CNTN4: variants seen among roughly 807,000 people sequenced by gnomAD.
CNTN4 encodes contactin 4.
In CNTN4, 77 loss-of-function variants were observed where a neutral mutation model predicts 122.5. The observed-to-expected ratio is 0.63, with a 90% CI of 0.52 to 0.76. The LOEUF (loss-of-function observed/expected upper bound fraction) is 0.76. Among genes scored for constraint, CNTN4 ranks in the 30% least tolerant of loss-of-function variants. The pLI is 0.00. For synonymous variants in CNTN4, 512 were observed against 447.0 expected (o/e 1.15, Z -1.83); for missense variants, 1,256 against 1,259.1 (o/e 1.00, Z 0.04).
chr3:2,324,346 TCA>T (rs2043378050), intron 2 of CNTN4, among the ~76,000 whole-genome samples: 1 of 152,142 alleles, frequency 6.6e-6, no homozygotes, highest in South Asian at 2.1e-4. Flanking sequence ...ACACGCACAC[TCA>T]CACTCATACT....
intron 2 of CNTN4, among the ~76,000 whole-genome samples, chr3:2,254,583 C>G (rs1177866778): frequency 6.6e-6 from 1 of 152,190 alleles, no homozygotes; most frequent in African/African-American, 2.4e-5. Context: ...GATCTCCAAT[C>G]TAACTGGCGT....
rs114165061 is a variant in CNTN4, at chr3:2,613,161, T to A, written c.55+41603T>A. On this transcript the variant is annotated intron_variant, in intron 4 of 24. Transcript: ENST00000418658. ...TTAGTTTTACTTAAGATAGCTTCCG[T>A]AGTTCTAAGCACACGTGGAGACTCC... 4.9e-3 allele frequency among the ~76,000 whole-genome samples: 706 copies of A among 145,186 alleles called. 5 individuals carry two copies. The highest frequency in any genetic ancestry group is 0.018 in the African/African-American group (687 of 38,058).
chr3:2,411,249 A>G (rs939765764), intron 3 of CNTN4, among the ~76,000 whole-genome samples: 1 of 152,168 alleles, frequency 6.6e-6, no homozygotes, highest in Non-Finnish European at 1.5e-5. Context: ...TGATGGATTG[A>G]TAGGTGCAGC....
Position 2,707,270 on chromosome 3 carries a change from C to A in CNTN4, c.56-28945C>A, listed in dbSNP as rs148203279. On this transcript the variant is annotated intron_variant, in intron 4 of 24. Transcript: ENST00000418658. ...GCAGTGAGCCGAGATCACGCCACTG[C>A]ACTCCAGCCTGGATGACAGAGCAAG... 6.4e-3 allele frequency among the ~76,000 whole-genome samples: 978 copies of A among 151,752 alleles called. 18 individuals carry two copies. Among genetic ancestry groups the A allele is most frequent in the African/African-American group, 0.022 (927 of 41,364 alleles).
intron 2 of CNTN4, among the ~76,000 whole-genome samples, chr3:2,193,832 G>T (rs2037705470): frequency 6.6e-6 from 1 of 152,150 alleles, no homozygotes; most frequent in African/African-American, 2.4e-5. Flanking sequence ...GTTGCCCACA[G>T]TATTTGGGAC....
intron 4 of CNTN4, among the ~76,000 whole-genome samples, chr3:2,642,547 C>A (rs889959344): frequency 1.3e-5 from 2 of 152,120 alleles, no homozygotes; most frequent in Admixed American, 1.3e-4. Context: ...CATTGCCTGC[C>A]TGCCTGACCA....
At chr3:2,676,046 A>G (rs1490199174) in intron 4 of CNTN4, among the ~76,000 whole-genome samples, 1 of 152,222 alleles carries the variant, frequency 6.6e-6, no homozygotes, top group Non-Finnish European at 1.5e-5. Context: ...GATTGTATAA[A>G]TCTTTCACCT....
intron 2 of CNTN4, among the ~76,000 whole-genome samples, chr3:2,250,341 C>T (rs547562015): frequency 6.3e-4 from 95 of 151,920 alleles, no homozygotes; most frequent in African/African-American, 1.3e-3. Context: ...TGTTGTTTCT[C>T]CTACGAAGAG....
chr3:2,444,398 A>G (rs1213188456), intron 3 of CNTN4, among the ~76,000 whole-genome samples: 1 of 152,142 alleles, frequency 6.6e-6, no homozygotes, highest in East Asian at 1.9e-4. Flanking sequence ...AACTAAATAC[A>G]AGGAGATGCT....
chr3:2,811,226 G>A (rs1259692141), intron 6 of CNTN4, among the ~76,000 whole-genome samples: 1 of 151,284 alleles, frequency 6.6e-6, no homozygotes, highest in Non-Finnish European at 1.5e-5. Flanking sequence ...CCTGGCCAAT[G>A]TGGGAAACCT....
chr3:2,618,060 T>C (rs928984446), intron 4 of CNTN4, among the ~76,000 whole-genome samples: 1 of 152,094 alleles, frequency 6.6e-6, no homozygotes, highest in Non-Finnish European at 1.5e-5. Context: ...ATCCACACAC[T>C]TAGGACAGTG....
intron 4 of CNTN4, among the ~76,000 whole-genome samples, chr3:2,646,461 C>T (rs184435874): frequency 1.6e-4 from 24 of 152,264 alleles, no homozygotes; most frequent in Admixed American, 1.2e-3. Context: ...CTCGTATAAT[C>T]GTGGTCAGAA....
At chr3:2,920,319 A>T (rs529780032) in intron 12 of CNTN4, among the ~76,000 whole-genome samples, 5 of 150,850 alleles carry the variant, frequency 3.3e-5, no homozygotes, top group African/African-American at 1.2e-4. Flanking sequence ...AGGAGGCTGG[A>T]TATGACTGTG....
In CNTN4 at chr3:2,103,490, T is replaced by C. The variant is rs187152857; in HGVS notation, c.-145+2851T>C. On this transcript the variant is annotated intron_variant, in intron 2 of 24. Coordinates refer to ENST00000418658, the MANE Select transcript of CNTN4 (RefSeq NM_175607.3). ...TCTGTGCCTTGAATTATAACCTTCC[T>C]CTGAAGATTCTATTGTGGGAGTCTT... Among the ~76,000 whole-genome samples the C allele has an allele frequency of 1.7e-3, 262 of 152,298 alleles. 1 individual carries two copies. The highest frequency in any genetic ancestry group is 5.9e-3 in the African/African-American group (244 of 41,568).
At chr3:2,924,758 C>G (rs2094457628) in intron 12 of CNTN4, among the ~76,000 whole-genome samples, 1 of 152,110 alleles carries the variant, frequency 6.6e-6, no homozygotes, top group Non-Finnish European at 1.5e-5. Flanking sequence ...CCTAAATGAG[C>G]CAAGCATTGC....
chr3:2,684,578 G>C (rs1257871374), intron 4 of CNTN4, among the ~76,000 whole-genome samples: 1 of 151,970 alleles, frequency 6.6e-6, no homozygotes, highest in East Asian at 1.9e-4. Flanking sequence ...TAAATCCTGG[G>C]GCTAATAACA....
At chr3:2,524,859 G>GA (rs2077345726) in intron 3 of CNTN4, among the ~76,000 whole-genome samples, 1 of 151,856 alleles carries the variant, frequency 6.6e-6, no homozygotes, top group African/African-American at 2.4e-5. Context: ...AACACAATAG[G>GA]AAAAAAAAGT....
At chr3:2,583,048 A>C (rs9840516) in intron 4 of CNTN4, among the ~76,000 whole-genome samples, 7,352 of 152,300 alleles carry the variant, frequency 0.048, 304 homozygotes, top group African/African-American at 0.12. Flanking sequence ...TAAACTCCCC[A>C]GTTTCAACTA....
intron 4 of CNTN4, among the ~76,000 whole-genome samples, chr3:2,607,991 C>A (rs928887981): frequency 6.6e-6 from 1 of 152,018 alleles, no homozygotes; most frequent in Non-Finnish European, 1.5e-5. Context: ...TCATAAAATT[C>A]TTTTTTCCTT....
Sources: allele counts gnomAD v4.1 joint callset (sites outside exome capture counted in the v4.1 genomes callset), GRCh38; gene constraint gnomAD v4.1.1; transcripts MANE v1.5; gene names NCBI Gene and HGNC (gene_info 2026-07-23, HGNC 2026-07-21).